The following PTPRT variants were observed in gnomAD, a reference collection of about 807,000 sequenced individuals.
The protein encoded by PTPRT is protein tyrosine phosphatase receptor type T.
Under a neutral mutation model 176.8 loss-of-function variants are expected in PTPRT, and 56 were observed. The observed-to-expected ratio is 0.32, with a 90% CI of 0.26 to 0.40. PTPRT has a LOEUF of 0.40. Among genes scored for constraint, PTPRT ranks in the 10% least tolerant of loss-of-function variants. The probability of loss-of-function intolerance (pLI) is 1.00; values close to 1 mark genes in which losing one functional copy is unlikely to be tolerated. For missense variants in PTPRT, 1,540 were observed against 1,908.2 expected, an observed-to-expected ratio of 0.81 and a Z score of 3.60; for synonymous variants, 783 against 739.0, an observed-to-expected ratio of 1.06 and a Z score of -0.96.
At chr20:42,676,651 T>C (rs1296626972) in intron 7 of PTPRT, among the ~76,000 whole-genome samples, 1 of 152,222 alleles carries the variant, frequency 6.6e-6, no homozygotes, top group Non-Finnish European at 1.5e-5. Context: ...GGCCATTCTA[T>C]GACTTTGGAC....
intron 16 of PTPRT, among the ~76,000 whole-genome samples, chr20:42,162,525 G>C (rs973660284): frequency 6.6e-6 from 1 of 152,108 alleles, no homozygotes; most frequent in Admixed American, 6.6e-5. Context: ...ATCTCTCAGG[G>C]CCAGTTTACC....
rs929876463 is a variant in PTPRT, at chr20:42,077,362, G to A, written c.*3517C>T. 2 of 210,564 alleles carry A rather than the reference G, an allele frequency of 9.5e-6. No individual in the cohort carries two copies. Among genetic ancestry groups the A allele is most frequent in the Non-Finnish European group, 1.9e-5 (2 of 103,806 alleles). 13.0% of individuals were successfully genotyped at this position (210,564 alleles called of 1,614,324 possible). A position where few individuals can be genotyped will look rare whatever the true frequency, so the allele number is the denominator to read the frequency against. On this transcript the variant is annotated 3_prime_UTR_variant, in exon 31 of 31. Transcript: ENST00000373187. The stretch of plus-strand genomic sequence containing the variant: ...AGCTATTTAGGCCATAAACACAGGT[G>A]GAGAAATTTCCTGGGCTTCTCATTA...
chr20:42,395,280 C>T (rs949645887), intron 9 of PTPRT, among the ~76,000 whole-genome samples: 9 of 152,256 alleles, frequency 5.9e-5, no homozygotes, highest in African/African-American at 2.2e-4. Context: ...GAGAACACGG[C>T]ACATGTCAGC....
intron 7 of PTPRT, among the ~76,000 whole-genome samples, chr20:42,554,614 T>C (rs986384431): frequency 6.6e-6 from 1 of 152,140 alleles, no homozygotes; most frequent in Non-Finnish European, 1.5e-5. Flanking sequence ...CTGTAAAAAC[T>C]GAAAACTGAA....
chr20:42,655,822 T>G (rs1171327551), intron 7 of PTPRT, among the ~76,000 whole-genome samples: 2 of 152,170 alleles, frequency 1.3e-5, no homozygotes, highest in Admixed American at 6.5e-5. Context: ...CATCAACCTA[T>G]AATGTTGAGG....
intron 1 of PTPRT, among the ~76,000 whole-genome samples, chr20:43,112,308 G>C (rs967881391): frequency 1.3e-5 from 2 of 152,138 alleles, no homozygotes; most frequent in Non-Finnish European, 2.9e-5. Flanking sequence ...CAACTCTAAA[G>C]GGTGCCAAGG....
At chr20:42,894,134 A>C (rs1020923369) in intron 1 of PTPRT, among the ~76,000 whole-genome samples, 9 of 152,188 alleles carry the variant, frequency 5.9e-5, no homozygotes, top group African/African-American at 2.2e-4. Flanking sequence ...GGTTGATCTA[A>C]GGAAGCGCCA....
At chr20:42,752,521 G>T (rs1001970628) in intron 6 of PTPRT, among the ~76,000 whole-genome samples, 1 of 152,214 alleles carries the variant, frequency 6.6e-6, no homozygotes, top group Non-Finnish European at 1.5e-5. Flanking sequence ...CCTGTGAGGA[G>T]GAAGACCTTG....
At chr20:42,233,711 CAGTGG>C (rs920123816) in intron 15 of PTPRT, among the ~76,000 whole-genome samples, 5 of 152,214 alleles carry the variant, frequency 3.3e-5, no homozygotes, top group African/African-American at 9.6e-5. Context: ...AGGCTATTTG[CAGTGG>C]CATACAATAT....
chr20:42,096,223 C>T (rs569357382), intron 27 of PTPRT, among the ~76,000 whole-genome samples: 121 of 152,280 alleles, frequency 7.9e-4, no homozygotes, highest in African/African-American at 2.6e-3. Flanking sequence ...GTCTTTCCTC[C>T]GGCCTTTTAC....
At chr20:42,494,413 G>A (rs79291804) in intron 7 of PTPRT, among the ~76,000 whole-genome samples, 3 of 152,220 alleles carry the variant, frequency 2.0e-5, no homozygotes, top group South Asian at 2.1e-4. Context: ...TGGATTTAGC[G>A]GAGGACGGTG....
At chr20:42,603,122 A>G (rs746946674) in intron 7 of PTPRT, among the ~76,000 whole-genome samples, 31 of 152,172 alleles carry the variant, frequency 2.0e-4, no homozygotes, top group Non-Finnish European at 4.0e-4. Flanking sequence ...CGGAGCTTAC[A>G]GTCTAGTGAT....
intron 6 of PTPRT, among the ~76,000 whole-genome samples, chr20:42,694,603 T>G (rs2075844651): frequency 6.6e-6 from 1 of 152,186 alleles, no homozygotes; most frequent in Admixed American, 6.5e-5. Context: ...AATTCAGAAC[T>G]ATCAAACTGC....
chr20:42,835,352 T>C (rs1426915450), intron 2 of PTPRT, among the ~76,000 whole-genome samples: 1 of 152,094 alleles, frequency 6.6e-6, no homozygotes. Flanking sequence ...GTAATCACAA[T>C]ATGAGGGGAC....
intron 9 of PTPRT, among the ~76,000 whole-genome samples, chr20:42,368,850 C>T (rs1474394817): frequency 6.6e-6 from 1 of 152,124 alleles, no homozygotes; most frequent in Non-Finnish European, 1.5e-5. Flanking sequence ...TGGCTTCTTG[C>T]CTTATCGCTG....
intron 6 of PTPRT, among the ~76,000 whole-genome samples, chr20:42,739,461 T>C (rs967830043): frequency 6.6e-6 from 1 of 152,040 alleles, no homozygotes; most frequent in African/African-American, 2.4e-5. Context: ...GTGAGCCAAG[T>C]TACCTGTTTG....
chr20:42,366,053 T>C (rs563604596), intron 9 of PTPRT, among the ~76,000 whole-genome samples: 29 of 152,294 alleles, frequency 1.9e-4, no homozygotes, highest in Non-Finnish European at 3.7e-4. Context: ...CCAGGGGACT[T>C]CCCAAAGCCC....
intron 27 of PTPRT, among the ~76,000 whole-genome samples, chr20:42,087,866 C>G (rs1312732167): frequency 6.0e-5 from 6 of 100,138 alleles, no homozygotes; most frequent in Non-Finnish European, 7.6e-5. Context: ...GAGCAAGACT[C>G]CATTTCAAAA....
intron 7 of PTPRT, among the ~76,000 whole-genome samples, chr20:42,566,685 C>T (rs532682582): frequency 2.1e-4 from 32 of 152,070 alleles, no homozygotes; most frequent in Non-Finnish European, 4.3e-4. Context: ...CCTAGGTGAC[C>T]GAGTGACCAA....
Sources: gnomAD v4.1 joint callset for allele counts (sites outside exome capture counted in the v4.1 genomes callset) on GRCh38, gnomAD v4.1.1 for gene constraint, MANE v1.5 for transcripts, NCBI Gene and HGNC (gene_info 2026-07-23, HGNC 2026-07-21) for gene names.